The following EXT1 variants were observed in gnomAD, a reference collection of about 807,000 sequenced individuals.
EXT1 encodes the protein exostosin-1.
In EXT1, 20 loss-of-function variants were observed where a neutral mutation model predicts 82.5. The observed-to-expected ratio is 0.24, with a 90% confidence interval of 0.17 to 0.35. The LOEUF (loss-of-function observed/expected upper bound fraction) is 0.35, where lower values mean the gene tolerates loss of function less well. EXT1 is among the 10% of genes least tolerant of loss of function. The pLI is 1.00. For synonymous variants in EXT1, 348 were observed against 350.8 expected (o/e 0.99, Z 0.09); for missense variants, 757 against 936.5 (o/e 0.81, Z 2.50).
At chr8:117,945,499 TTTTTA>T (rs942771230) in intron 1 of EXT1, among the ~76,000 whole-genome samples, 170 of 152,222 alleles carry the variant, frequency 1.1e-3, no homozygotes, top group African/African-American at 3.8e-3. Context: ...TGCTCTGTGG[TTTTTA>T]TTTTATTTTA....
chr8:117,900,507 AATTCATTGTTGG>A (rs1813422505), intron 1 of EXT1, among the ~76,000 whole-genome samples: 6 of 152,200 alleles, frequency 3.9e-5, no homozygotes, highest in Non-Finnish European at 8.8e-5. Context: ...CCATGAAATA[AATTCATTGTTGG>A]AGGCTGCTGA....
chr8:118,095,435 G>C (rs749940847), intron 1 of EXT1, among the ~76,000 whole-genome samples: 1 of 152,136 alleles, frequency 6.6e-6, no homozygotes, highest in Non-Finnish European at 1.5e-5. Context: ...ATAAAAGACT[G>C]ACTGCCCTGC....
At chr8:117,857,484 C>T in intron 1 of EXT1, among the ~76,000 whole-genome samples, 1 of 151,868 alleles carries the variant, frequency 6.6e-6, no homozygotes, top group Non-Finnish European at 1.5e-5. Flanking sequence ...AGGAGGATTG[C>T]TTGAGCCTAG....
chr8:118,013,416 C>A (rs969652210), intron 1 of EXT1, among the ~76,000 whole-genome samples: 14 of 152,228 alleles, frequency 9.2e-5, no homozygotes, highest in Admixed American at 9.2e-4. Flanking sequence ...ACCATGTTGG[C>A]CAGGCTGGTC....
At chr8:117,809,201 ATGTG>A (rs139812140) in intron 8 of EXT1, among the ~76,000 whole-genome samples, 2,812 of 121,898 alleles carry the variant, frequency 0.023, 93 homozygotes, top group Non-Finnish European at 0.027. Context: ...AGGTATATAT[ATGTG>A]TGTGTGTGTA....
chr8:117,822,512 T>A lies in EXT1; in HGVS notation c.1370A>T (p.Gln457Leu). 1 of 1,613,556 alleles carries A rather than the reference T, an allele frequency of 6.2e-7. No individual in the cohort carries two copies. Among genetic ancestry groups the A allele is most frequent in the Non-Finnish European group, 8.5e-7 (1 of 1,179,768 alleles). The change falls in exon 5 of 11, where the codon CAG (glutamine) becomes CTG (leucine). Residue 457 changes from glutamine (Q) to leucine (L), a missense_variant. This residue lies in a region of EXT1 where 207 missense variants were observed against 224.2 expected (regional missense o/e 0.92). Coordinates refer to ENST00000378204, the MANE Select transcript of EXT1 (RefSeq NM_000127.3). ...AAAATCTCCCAGATAAGATGAATAC[T>A]GTGGTAGTACGAACAATCCTCCAGG... ...KHPGGLFVLPQYSSYLGDFPY... is the reference protein window; with the variant it reads ...KHPGGLFVLPLYSSYLGDFPY...
At chr8:117,802,811 T>G (rs1366657841) in intron 10 of EXT1, among the ~76,000 whole-genome samples, 1 of 152,238 alleles carries the variant, frequency 6.6e-6, no homozygotes, top group Non-Finnish European at 1.5e-5. Flanking sequence ...GAAACAGAAT[T>G]TTCTGCCAGA....
At chr8:117,853,672 C>T (rs996511898) in intron 1 of EXT1, among the ~76,000 whole-genome samples, 1 of 152,156 alleles carries the variant, frequency 6.6e-6, no homozygotes, top group African/African-American at 2.4e-5. Flanking sequence ...ATCTGCTCTT[C>T]CCTGGAAACC....
intron 1 of EXT1, among the ~76,000 whole-genome samples, chr8:118,003,034 T>TAC (rs1001579940): frequency 9.9e-5 from 15 of 152,146 alleles, no homozygotes; most frequent in East Asian, 9.6e-4. Context: ...TATATATATA[T>TAC]ACACACACAT....
intron 1 of EXT1, among the ~76,000 whole-genome samples, chr8:118,074,664 G>A (rs1817173589): frequency 6.6e-6 from 1 of 152,146 alleles, no homozygotes; most frequent in Non-Finnish European, 1.5e-5. Context: ...TGAGGGGCGA[G>A]ATATTTACAT....
chr8:117,969,717 A>C (rs958636253), intron 1 of EXT1, among the ~76,000 whole-genome samples: 4 of 152,206 alleles, frequency 2.6e-5, no homozygotes, highest in Admixed American at 1.3e-4. Flanking sequence ...GTGTATGTGC[A>C]TGCACATGCA....
intron 1 of EXT1, among the ~76,000 whole-genome samples, chr8:117,856,725 C>A (rs1359641874): frequency 6.6e-6 from 1 of 152,072 alleles, no homozygotes; most frequent in Non-Finnish European, 1.5e-5. Context: ...GAAGCTGCAG[C>A]AAGTTATCCA....
chr8:118,010,918 A>T (rs1586341734), intron 1 of EXT1, among the ~76,000 whole-genome samples: 1 of 152,206 alleles, frequency 6.6e-6, no homozygotes, highest in East Asian at 1.9e-4. Flanking sequence ...AGCAAGATTA[A>T]TGAAAGCTTT....
rs17506128 is a variant in EXT1 at position 118,084,113 on chromosome 8, T to C, written c.962+25972A>G. ...AGTTTGGAAGACAAATGAGGTAATA[T>C]ACAAACCACTGATCTAATCACCAAG... On this transcript the variant is annotated intron_variant, in intron 1 of 10. Transcript: ENST00000378204. Among the ~76,000 whole-genome samples, 489 of 152,292 alleles carry C rather than the reference T, an allele frequency of 3.2e-3. 3 individuals are homozygous for C. The highest frequency in any genetic ancestry group is 0.011 in the African/African-American group (463 of 41,562).
At chr8:118,002,079 A>C (rs547496008) in intron 1 of EXT1, among the ~76,000 whole-genome samples, 8 of 152,210 alleles carry the variant, frequency 5.3e-5, no homozygotes, top group Non-Finnish European at 8.8e-5. Flanking sequence ...TGCTGTTTTA[A>C]GCTGAGAAGA....
Position 117,968,849 on chromosome 8 carries a change from G to A in EXT1, c.963-131648C>T, listed in dbSNP as rs1225253885. Among the ~76,000 whole-genome samples, 3 of 64,436 alleles carry A rather than the reference G, an allele frequency of 4.7e-5. 1 individual carries two copies. Among genetic ancestry groups the A allele is most frequent in the Non-Finnish European group, 7.5e-5 (3 of 39,878 alleles). 42.3% of individuals were successfully genotyped at this position (64,436 alleles called of 152,430 possible). A position where few individuals can be genotyped will look rare whatever the true frequency, so the allele number is the denominator to read the frequency against. On this transcript the variant is annotated intron_variant, in intron 1 of 10. Transcript: ENST00000378204. ...CTCCCAAAGTGCTGGGATTACAGGC[G>A]TGAGCCACTGTGCCCAGCCAATTCT...
chr8:117,863,251 G>A lies in EXT1; in HGVS notation c.963-26050C>T, dbSNP rs377102068. On this transcript the variant is annotated intron_variant, in intron 1 of 10. Transcript: ENST00000378204. Reference sequence around the variant, plus strand: ...CAGAAAACAAGTACAGAGAGGTGAAGTGACTTGCCCCCAGACACACAGCTA... The same window carrying A: ...CAGAAAACAAGTACAGAGAGGTGAAATGACTTGCCCCCAGACACACAGCTA... Among the ~76,000 whole-genome samples, 5 of 146,118 alleles carry A rather than the reference G, an allele frequency of 3.4e-5. 1 individual carries two copies. Among genetic ancestry groups the A allele is most frequent in the Middle Eastern group, 3.4e-3 (1 of 292 alleles).
At chr8:118,019,414 G>T (rs1381399618) in intron 1 of EXT1, among the ~76,000 whole-genome samples, 1 of 152,172 alleles carries the variant, frequency 6.6e-6, no homozygotes, top group African/African-American at 2.4e-5. Context: ...AGAAAGACAG[G>T]CAGAGAGAGA....
intron 1 of EXT1, among the ~76,000 whole-genome samples, chr8:117,935,361 C>G (rs1814140048): frequency 6.7e-6 from 1 of 149,014 alleles, no homozygotes; most frequent in South Asian, 2.2e-4. Context: ...CTTGCTGTTG[C>G]CCAAGCTGGA....
Sources: allele counts gnomAD v4.1 joint callset (sites outside exome capture counted in the v4.1 genomes callset), GRCh38; gene constraint gnomAD v4.1.1; regional missense constraint gnomAD v4.1.1; transcripts MANE v1.5; gene names NCBI Gene and HGNC (gene_info 2026-07-23, HGNC 2026-07-21).